The following HCN1 variants were observed in gnomAD, a reference collection of about 807,000 sequenced individuals.
HCN1 encodes hyperpolarization activated cyclic nucleotide gated potassium channel 1.
Under a neutral mutation model 78.9 loss-of-function variants are expected in HCN1, and 13 were observed. The ratio of observed to expected loss-of-function variants is 0.16; its 90% CI spans 0.11 to 0.26. HCN1 has a LOEUF of 0.26. Ranked by LOEUF, HCN1 falls within the 10% of genes least tolerant of loss-of-function variation. HCN1 has a pLI of 1.00. For missense variants in HCN1, 810 were observed against 1,154.3 expected (o/e 0.70, Z 4.32); for synonymous variants, 552 against 455.5 (o/e 1.21, Z -2.70).
chr5:45,589,284 G>A (rs1744307023), intron 2 of HCN1, among the ~76,000 whole-genome samples: 1 of 152,176 alleles, frequency 6.6e-6, no homozygotes, highest in Non-Finnish European at 1.5e-5. Context: ...CAGTTGTGGG[G>A]TTTGCAGCAG....
chr5:45,314,583 T>A (rs1312438859), intron 5 of HCN1, among the ~76,000 whole-genome samples: 1 of 152,096 alleles, frequency 6.6e-6, no homozygotes, highest in Admixed American at 6.6e-5. Flanking sequence ...GGATAAAAAG[T>A]CAAGACCCAT....
chr5:45,384,444 T>C (rs1262086323), intron 4 of HCN1, among the ~76,000 whole-genome samples: 2 of 152,200 alleles, frequency 1.3e-5, no homozygotes, highest in African/African-American at 2.4e-5. Flanking sequence ...ATAACTTCAC[T>C]GTTTATATGG....
intron 5 of HCN1, among the ~76,000 whole-genome samples, chr5:45,324,365 A>G (rs1332932037): frequency 6.6e-6 from 1 of 152,040 alleles, no homozygotes; most frequent in Admixed American, 6.6e-5. Flanking sequence ...ACTTCTCAAA[A>G]GAAGACATTT....
intron 2 of HCN1, among the ~76,000 whole-genome samples, chr5:45,544,470 G>A (rs1721631071): frequency 6.6e-6 from 1 of 151,890 alleles, no homozygotes; most frequent in Non-Finnish European, 1.5e-5. Context: ...TATACTTTAA[G>A]TTCTAGGGTA....
At chr5:45,666,948 A>G (rs776588948) in intron 1 of HCN1, among the ~76,000 whole-genome samples, 6 of 152,044 alleles carry the variant, frequency 3.9e-5, no homozygotes, top group Non-Finnish European at 8.8e-5. Flanking sequence ...AGGAAATGGA[A>G]AGCCTAATGT....
chr5:45,632,620 T>C (rs1412897863), intron 2 of HCN1, among the ~76,000 whole-genome samples: 1 of 152,044 alleles, frequency 6.6e-6, no homozygotes, highest in Non-Finnish European at 1.5e-5. Flanking sequence ...TTAATTTCAC[T>C]GCCTGCTATT....
intron 2 of HCN1, among the ~76,000 whole-genome samples, chr5:45,462,574 C>A (rs1310623868): frequency 6.6e-6 from 1 of 151,946 alleles, no homozygotes; most frequent in African/African-American, 2.4e-5. Flanking sequence ...ATAAAGGCTA[C>A]CTGGATTTGG....
rs1401736234 is a variant in HCN1 at position 45,645,585 on chromosome 5, A to G, written c.449T>C (p.Leu150Pro). The G allele has an allele frequency of 6.2e-7, 1 of 1,605,736 alleles. No individual in the cohort carries two copies. The highest frequency in any genetic ancestry group is 8.5e-7 in the Non-Finnish European group (1 of 1,177,096). ...GACTAGATTTCCAACCATCATTATA[A>G]GCATTATTAAATCCCAGTAAAACCT... The part of the protein sequence containing the change: ...DFRFYWDLIM[L>P]IMMVGNLVII... Residue 150 changes from leucine (L) to proline (P), a missense_variant, in exon 2 of 8, where the codon CTT becomes CCT. Coordinates refer to ENST00000303230, the MANE Select transcript of HCN1 (RefSeq NM_021072.4).
intron 2 of HCN1, among the ~76,000 whole-genome samples, chr5:45,584,476 T>C (rs1744158609): frequency 6.6e-6 from 1 of 152,088 alleles, no homozygotes; most frequent in African/African-American, 2.4e-5. Context: ...GTCTTGACTC[T>C]TTATCCAATT....
chr5:45,293,752 C>G (rs972630554), intron 6 of HCN1, among the ~76,000 whole-genome samples: 3 of 151,890 alleles, frequency 2.0e-5, no homozygotes, highest in Non-Finnish European at 4.4e-5. Context: ...TATAAAGACA[C>G]AGAACTCTGA....
chr5:45,640,434 T>G (rs559523707), intron 2 of HCN1, among the ~76,000 whole-genome samples: 3 of 152,188 alleles, frequency 2.0e-5, no homozygotes, highest in Non-Finnish European at 4.4e-5. Flanking sequence ...GAAAGCAAAA[T>G]GTGTGTAATA....
Position 45,303,801 on chromosome 5 carries a change from T to G in HCN1, c.1416A>C (p.Thr472=). ...VNFNCRKLVA[T]MPLFANADPN... is the part of the protein sequence containing the mutation. ...GATCCGCATTAGCAAATAAAGGCAT[T>G]GTAGCCACCAGTTTCCGACAGTTGA... Residue 472 remains threonine (T), a synonymous_variant, in exon 6 of 8, where the codon ACA becomes ACC. Coordinates refer to ENST00000303230, the MANE Select transcript of HCN1 (RefSeq NM_021072.4). The G allele has an allele frequency of 1.2e-6, 2 of 1,613,552 alleles. No homozygotes were observed. The highest frequency in any genetic ancestry group is 1.7e-6 in the Non-Finnish European group (2 of 1,179,622).
intron 3 of HCN1, among the ~76,000 whole-genome samples, chr5:45,447,023 A>G: frequency 6.6e-6 from 1 of 152,176 alleles, no homozygotes; most frequent in Non-Finnish European, 1.5e-5. Context: ...ACAGGATCAA[A>G]TTCACACATA....
rs1179133814 is a variant in HCN1, at chr5:45,372,242, T to A, written c.1231-18996A>T. 2.0e-4 allele frequency among the ~76,000 whole-genome samples: 14 copies of A among 71,524 alleles called. No homozygotes were observed. In the East Asian group the frequency reaches 5.8e-3, roughly 30 times the overall value. 46.9% of individuals were successfully genotyped at this position (71,524 alleles called of 152,430 possible). ...TAATATATATAATATATATTATATT[T>A]TATATATAATATATATTTATATATA... is the stretch of plus-strand genomic sequence containing the variant. On this transcript the variant is annotated intron_variant, in intron 4 of 7. Transcript: ENST00000303230.
At chr5:45,511,794 TA>T (rs1742422174) in intron 2 of HCN1, among the ~76,000 whole-genome samples, 1 of 151,972 alleles carries the variant, frequency 6.6e-6, no homozygotes, top group Non-Finnish European at 1.5e-5. Context: ...GCAATATGAA[TA>T]AAAGTATGAG....
intron 2 of HCN1, among the ~76,000 whole-genome samples, chr5:45,521,766 G>T (rs1022826994): frequency 1.3e-5 from 2 of 151,874 alleles, no homozygotes; most frequent in African/African-American, 2.4e-5. Context: ...CAGTAATGTG[G>T]TCTAAATATT....
At chr5:45,641,940 G>A (rs145881431) in intron 2 of HCN1, 1 of 152,082 alleles carries the variant, frequency 6.6e-6, no homozygotes, top group African/African-American at 2.4e-5. Flanking sequence ...AGATCACAAG[G>A]AATTTGTTAC....
At chr5:45,315,766 T>A (rs780346582) in intron 5 of HCN1, among the ~76,000 whole-genome samples, 2 of 152,114 alleles carry the variant, frequency 1.3e-5, no homozygotes, top group East Asian at 3.9e-4. Flanking sequence ...CAGACTACCA[T>A]CAGAGAATAC....
intron 5 of HCN1, among the ~76,000 whole-genome samples, chr5:45,320,824 A>C (rs1425412545): frequency 6.6e-6 from 1 of 151,922 alleles, no homozygotes; most frequent in Admixed American, 6.6e-5. Flanking sequence ...GGTTTTTAAA[A>C]ATCTGAATCT....
Sources: gnomAD v4.1 joint callset for allele counts (sites outside exome capture counted in the v4.1 genomes callset) on GRCh38, gnomAD v4.1.1 for gene constraint, MANE v1.5 for transcripts, NCBI Gene and HGNC (gene_info 2026-07-23, HGNC 2026-07-21) for gene names.